The following FBXL18 variants were observed in gnomAD, a reference collection of about 807,000 sequenced individuals.
FBXL18 encodes the protein F-box/LRR-repeat protein 18.
FBXL18 carries 36 observed loss-of-function variants against 46.0 expected under a neutral mutation model. The observed-to-expected ratio is 0.78, with a 90% CI of 0.60 to 1.03. The LOEUF (loss-of-function observed/expected upper bound fraction) is 1.03, where lower values mean the gene tolerates loss of function less well. Among genes scored for constraint, FBXL18 ranks in the 50% least tolerant of loss-of-function variants. FBXL18 has a pLI of 0.00. For missense variants in FBXL18, 977 were observed against 1,004.1 expected (o/e 0.97, Z 0.36); for synonymous variants, 557 against 465.3 (o/e 1.20, Z -2.54).
downstream of FBXL18, among the ~76,000 whole-genome samples, chr7:5,471,314 T>C (rs752086830): frequency 5.3e-5 from 8 of 152,158 alleles, no homozygotes; most frequent in Non-Finnish European, 1.0e-4. Context: ...TTTCGCTCTG[T>C]CGCCCAGGCT....
At chr7:5,463,736 T>TTTA (rs1562672326) in intron 4 of FBXL18, among the ~76,000 whole-genome samples, 2 of 14,928 alleles carry the variant, frequency 1.3e-4, no homozygotes, top group African/African-American at 4.0e-4. Context: ...TTATTTTTTT[T>TTTA]TTTTTTTTTT....
rs1263500620 is a variant in FBXL18, at chr7:5,500,941, G to A, written c.1328C>T (p.Ala443Val). Residue 443 changes from alanine (A) to valine (V), a missense_variant, in exon 3 of 5, where the codon GCA becomes GTA. Coordinates refer to ENST00000382368, the MANE Select transcript of FBXL18 (RefSeq NM_024963.6). ...DRAPAQPAMH[A>V]VPRGFGKKVR... is the part of the protein sequence containing the mutation. ...TTTCTTGCCAAAGCCGCGCGGCACT[G>A]CGTGCATGGCCGGCTGGGCGGGCGC... is the stretch of plus-strand genomic sequence containing the variant. The A allele has an allele frequency of 2.6e-6, 4 of 1,546,118 alleles. No homozygotes were observed. The East Asian group carries it at 9.1e-5, about 35-fold the overall frequency.
At chr7:5,503,285 G>C (rs1161479103) in intron 2 of FBXL18, among the ~76,000 whole-genome samples, 1 of 152,204 alleles carries the variant, frequency 6.6e-6, no homozygotes, top group Non-Finnish European at 1.5e-5. Context: ...TTGGGAGGCT[G>C]AGGCAGGAGG....
rs570635566 is a variant in FBXL18 at position 5,483,790 on chromosome 7, C to T, written c.2001-1859G>A. 2.8e-4 allele frequency among the ~76,000 whole-genome samples: 43 copies of T among 152,194 alleles called. No individual in the cohort carries two copies. The South Asian group carries it at 3.1e-3, about 11-fold the overall frequency. On this transcript the variant is annotated intron_variant, in intron 4 of 4. Transcript: ENST00000382368. ...ATCCAGAAACTTCTGCCCAGAGTCT[C>T]AGTGGGTGCAAGGCAGGGAGTTACC...
intron 4 of FBXL18, among the ~76,000 whole-genome samples, chr7:5,464,599 G>A (rs189199497): frequency 1.5e-4 from 20 of 134,126 alleles, no homozygotes; most frequent in Non-Finnish European, 2.8e-4. Context: ...GGAGACGAAT[G>A]TTGCAGTGAC....
Position 5,500,714 on chromosome 7 carries a change from C to A in FBXL18, c.1555G>T (p.Val519Phe). ...ATGGCGGCCACCTCCGAGTCCCCGACACTCTGTGCGCGGCTGCAGGGTGGG... is the reference window on the plus strand; with the variant it reads ...ATGGCGGCCACCTCCGAGTCCCCGAAACTCTGTGCGCGGCTGCAGGGTGGG... ...SLPPCSRAQS[V>F]GDSEVAAIGQ... is the part of the protein sequence containing the mutation. The change falls in exon 3 of 5, where the codon GTC becomes TTC. Residue 519 changes from valine to phenylalanine, a missense_variant. Transcript: ENST00000382368. 1 of 1,611,848 alleles carries A rather than the reference C, an allele frequency of 6.2e-7. No individual in the cohort carries two copies. The highest frequency in any genetic ancestry group is 8.5e-7 in the Non-Finnish European group (1 of 1,179,390).
At chr7:5,493,948 G>C (rs1435402295) in intron 3 of FBXL18, among the ~76,000 whole-genome samples, 1 of 151,424 alleles carries the variant, frequency 6.6e-6, no homozygotes, top group Non-Finnish European at 1.5e-5. Context: ...GGCCAACATG[G>C]CAAAACCCTG....
intron 4 of FBXL18, among the ~76,000 whole-genome samples, chr7:5,487,219 C>A (rs1231436179): frequency 1.3e-5 from 2 of 152,262 alleles, no homozygotes; most frequent in African/African-American, 4.8e-5. Flanking sequence ...GGCCACACTG[C>A]CGTGACCGGG....
At chr7:5,495,865 G>A (rs781103734) in intron 3 of FBXL18, 6 of 480,908 alleles carry the variant, frequency 1.2e-5, no homozygotes, top group Non-Finnish European at 2.6e-5. Flanking sequence ...TGAACAGGCA[G>A]TACCCAGCTC....
intron 4 of FBXL18, among the ~76,000 whole-genome samples, chr7:5,461,767 CCT>C (rs1783249359): frequency 6.6e-6 from 1 of 152,024 alleles, no homozygotes; most frequent in Non-Finnish European, 1.5e-5. Flanking sequence ...ATGGTGAAAC[CCT>C]GTCTCTACTA....
intron 1 of FBXL18, among the ~76,000 whole-genome samples, chr7:5,512,529 G>A (rs1347018495): frequency 6.6e-6 from 1 of 152,064 alleles, no homozygotes; most frequent in Non-Finnish European, 1.5e-5. Flanking sequence ...AAGGGGAATC[G>A]CTTGAGCAGG....
In FBXL18 at chr7:5,500,504, G is replaced by A. The variant is rs1331151310; in HGVS notation, c.1765C>T (p.Arg589Trp). ...ALSDMLKHCK[R>W]LRDLRLEQPY... Reference sequence around the variant, plus strand: ...CCCCCTCACCTGAGGTCCCTCAGCCGCTTGCAGTGCTTCAACATGTCTGAG... The same window carrying A: ...CCCCCTCACCTGAGGTCCCTCAGCCACTTGCAGTGCTTCAACATGTCTGAG... The change falls in exon 3 of 5, where the codon CGG becomes TGG. Residue 589 changes from arginine (R) to tryptophan (W), a missense_variant. Arg to Trp is a moderately radical substitution (Grantham distance 101). Transcript: ENST00000382368. The A allele has an allele frequency of 6.2e-6, 10 of 1,605,578 alleles. No individual in the cohort carries two copies. Among genetic ancestry groups the A allele is most frequent in the African/African-American group, 1.3e-5 (1 of 74,888 alleles).
rs568864307 is a variant in FBXL18 at position 5,513,082 on chromosome 7, C to T, written c.18+575G>A. Among the ~76,000 whole-genome samples, 3 of 152,300 alleles carry T rather than the reference C, an allele frequency of 2.0e-5. No homozygotes were observed. The East Asian group carries it at 5.8e-4, about 29-fold the overall frequency. On this transcript the variant is annotated intron_variant, in intron 1 of 4. Coordinates refer to ENST00000382368, the MANE Select transcript of FBXL18 (RefSeq NM_024963.6). ...TGCACCCCTTTCTGCAGAGACAATA[C>T]TTTGCACCACATTACAGGGACGCGG...
rs73673159 is a variant in FBXL18 at position 5,455,503 on chromosome 7, C to A, written c.2001-7660G>T. Among the ~76,000 whole-genome samples, 5,268 of 152,130 alleles carry A rather than the reference C, an allele frequency of 0.035. 311 individuals carry two copies. The highest frequency in any genetic ancestry group is 0.12 in the African/African-American group (4,970 of 41,472). ...CCACTGGCTTCACTGGCGTCAGAAG[C>A]AATTCCACAAGCCCAGCCCCTCCTG... On this transcript the variant is annotated intron_variant and NMD_transcript_variant, in intron 4 of 6. Coordinates refer to the FBXL18 transcript ENST00000415009. This position sits in a 1 kb window ranked among gnomAD's most constrained non-coding sequence, Gnocchi z 4.6.
At chr7:5,474,686 T>TTTTTATTTATTTATTTA (rs1554317766), downstream of FBXL18, among the ~76,000 whole-genome samples, 2 of 39,458 alleles carry the variant, frequency 5.1e-5, no homozygotes, top group African/African-American at 1.9e-4. Context: ...GCACTTTATT[T>TTTTTATTTATTTATTTA]TTTATTTATT....
downstream of FBXL18, among the ~76,000 whole-genome samples, chr7:5,474,944 G>A (rs551950374): frequency 2.4e-3 from 353 of 148,462 alleles, no homozygotes; most frequent in Non-Finnish European, 4.3e-3. Context: ...TCCTGACCTC[G>A]TGATCCGCCC....
At chr7:5,500,305 C>T (rs1347931687) in intron 3 of FBXL18, among the ~76,000 whole-genome samples, 183 bp downstream of exon 3, 11 of 152,106 alleles carry the variant, frequency 7.2e-5, no homozygotes, top group Admixed American at 2.0e-4. Flanking sequence ...CCGCCTCCTG[C>T]ACCCCCAGCT....
Position 5,462,996 on chromosome 7 carries a change from A to ATATATATAT in FBXL18, c.2001-15154_2001-15153insATATATATA, listed in dbSNP as rs59380871. On this transcript the variant is annotated intron_variant and NMD_transcript_variant, in intron 4 of 6. Transcript: ENST00000415009. The stretch of plus-strand genomic sequence containing the variant: ...TATATATATATATATATATATATAT[A>ATATATATAT]ATATATATACACACACACATGCATA... Among the ~76,000 whole-genome samples, 238 of 27,390 alleles carry ATATATATAT rather than the reference A, an allele frequency of 8.7e-3. 22 individuals are homozygous for ATATATATAT. The highest frequency in any genetic ancestry group is 0.029 in the Middle Eastern group (1 of 34). 18.0% of individuals were successfully genotyped at this position (27,390 alleles called of 152,430 possible).
chr7:5,508,378 G>A (rs1160906193), intron 1 of FBXL18, among the ~76,000 whole-genome samples: 4 of 151,724 alleles, frequency 2.6e-5, no homozygotes, highest in Non-Finnish European at 5.9e-5. Flanking sequence ...AGGAGGCAGA[G>A]GTTGCGGTAA....
Sources: allele counts gnomAD v4.1 joint callset (sites outside exome capture counted in the v4.1 genomes callset), GRCh38; gene constraint gnomAD v4.1.1; non-coding constraint Gnocchi (gnomAD v3.1); transcripts MANE v1.5; gene names NCBI Gene and HGNC (gene_info 2026-07-23, HGNC 2026-07-21).